Variants in RBFOX1 observed in about 807,000 individuals in gnomAD.
RBFOX1 encodes RNA binding protein fox-1 homolog 1.
Under a neutral mutation model 57.7 loss-of-function variants are expected in RBFOX1, and 8 were observed. That is an observed-to-expected ratio of 0.14 (90% CI 0.08 to 0.25). The LOEUF (loss-of-function observed/expected upper bound fraction) is 0.25, where lower values mean the gene tolerates loss of function less well. Ranked by LOEUF, RBFOX1 falls within the 10% of genes least tolerant of loss-of-function variation. The probability of loss-of-function intolerance (pLI) is 1.00; values close to 1 mark genes in which losing one functional copy is unlikely to be tolerated. For synonymous variants in RBFOX1, 326 were observed against 222.4 expected (o/e 1.47, Z -4.15); for missense variants, 611 against 548.5 (o/e 1.11, Z -1.14).
intron 3 of RBFOX1, among the ~76,000 whole-genome samples, chr16:6,716,279 C>T (rs929192529): frequency 1.1e-4 from 16 of 152,158 alleles, no homozygotes; most frequent in Non-Finnish European, 1.9e-4. Context: ...ACAAAGCCAT[C>T]GTTGCTTTTC....
intron 4 of RBFOX1, among the ~76,000 whole-genome samples, chr16:7,190,268 A>G (rs2085045086): frequency 6.6e-6 from 1 of 152,198 alleles, no homozygotes; most frequent in South Asian, 2.1e-4. Flanking sequence ...CTGAGGCAGG[A>G]GAATCACTTG....
chr16:6,058,629 CCCACCCAT>C (rs1381245458), intron 1 of RBFOX1, among the ~76,000 whole-genome samples: 1 of 149,126 alleles, frequency 6.7e-6, no homozygotes, highest in Non-Finnish European at 1.5e-5. Context: ...CATCCATCTA[CCCACCCAT>C]CCACCCATCC....
chr16:6,536,322 C>G (rs2096734975), intron 2 of RBFOX1, among the ~76,000 whole-genome samples: 1 of 152,196 alleles, frequency 6.6e-6, no homozygotes, highest in Admixed American at 6.5e-5. Flanking sequence ...AAATAGATAT[C>G]ACTTTGCAAT....
intron 4 of RBFOX1, among the ~76,000 whole-genome samples, chr16:5,908,095 T>TATATATATATATATATATATAC (rs1567133450): frequency 2.1e-5 from 3 of 139,872 alleles, no homozygotes; most frequent in Admixed American, 7.0e-5. Flanking sequence ...TACACATATA[T>TATATATATATATATATATATAC]ACACATATAT....
At chr16:5,370,877 C>T (rs1567403473) in intron 1 of RBFOX1, among the ~76,000 whole-genome samples, 1 of 152,180 alleles carries the variant, frequency 6.6e-6, no homozygotes, top group Non-Finnish European at 1.5e-5. Flanking sequence ...AGGATCAAGA[C>T]TATGTTTCCC....
intron 1 of RBFOX1, among the ~76,000 whole-genome samples, chr16:5,440,386 A>T (rs1237656312): frequency 6.6e-6 from 1 of 152,240 alleles, no homozygotes; most frequent in South Asian, 2.1e-4. Flanking sequence ...AAGTTTAGAG[A>T]ACAGGGATAA....
At chr16:5,284,390 T>C (rs4786659) in intron 1 of RBFOX1, among the ~76,000 whole-genome samples, 129,885 of 152,114 alleles carry the variant, frequency 0.85, 55,529 homozygotes, top group East Asian at 0.99. Context: ...GTCTGCTCTA[T>C]CAGAGAGTTT....
intron 1 of RBFOX1, among the ~76,000 whole-genome samples, chr16:5,455,509 G>C (rs1035365223): frequency 6.6e-6 from 1 of 152,114 alleles, no homozygotes. Flanking sequence ...ACCCCAAGGA[G>C]GCCTTGGAGA....
chr16:6,954,347 T>G (rs924662802), intron 3 of RBFOX1, among the ~76,000 whole-genome samples: 1 of 152,150 alleles, frequency 6.6e-6, no homozygotes, highest in African/African-American at 2.4e-5. Context: ...GATTTATAGT[T>G]ACAATAACGG....
intron 1 of RBFOX1, among the ~76,000 whole-genome samples, chr16:5,301,287 A>G (rs2063795942): frequency 6.6e-6 from 1 of 152,142 alleles, no homozygotes; most frequent in Non-Finnish European, 1.5e-5. Context: ...CCCTCAGTCC[A>G]ATAGCCTGCA....
intron 2 of RBFOX1, among the ~76,000 whole-genome samples, chr16:5,530,644 C>T (rs1203083684): frequency 1.3e-5 from 2 of 152,180 alleles, no homozygotes; most frequent in Admixed American, 6.5e-5. Context: ...CAACCTTGGC[C>T]TCTACCCATG....
chr16:6,801,727 G>A (rs1175342405), intron 3 of RBFOX1, among the ~76,000 whole-genome samples: 1 of 152,114 alleles, frequency 6.6e-6, no homozygotes, highest in East Asian at 1.9e-4. Flanking sequence ...GGGAGGAAGA[G>A]AGTTTTTATT....
At chr16:7,033,549 G>A (rs561169089) in intron 3 of RBFOX1, among the ~76,000 whole-genome samples, 6 of 152,120 alleles carry the variant, frequency 3.9e-5, no homozygotes, top group Admixed American at 6.6e-5. Context: ...GAATGTGAAC[G>A]TCCTTTAAGA....
chr16:5,306,905 A>C (rs1302382782), intron 1 of RBFOX1, among the ~76,000 whole-genome samples: 1 of 152,202 alleles, frequency 6.6e-6, no homozygotes, highest in African/African-American at 2.4e-5. Context: ...GTCTAAGTCA[A>C]GGAGAATCAT....
At chr16:5,519,281 T>C (rs566394080) in intron 2 of RBFOX1, among the ~76,000 whole-genome samples, 4 of 152,244 alleles carry the variant, frequency 2.6e-5, no homozygotes, top group East Asian at 1.9e-4. Flanking sequence ...TGGGCTCCCA[T>C]GCTAGCATGG....
At chr16:5,781,852 G>A (rs1179835738) in intron 3 of RBFOX1, among the ~76,000 whole-genome samples, 1 of 152,202 alleles carries the variant, frequency 6.6e-6, no homozygotes, top group Non-Finnish European at 1.5e-5. Context: ...TCCTCATGAA[G>A]AGATTGTCTT....
chr16:5,656,803 T>C (rs912684437), intron 3 of RBFOX1, among the ~76,000 whole-genome samples: 1 of 152,180 alleles, frequency 6.6e-6, no homozygotes, highest in African/African-American at 2.4e-5. Context: ...CTATCATTGA[T>C]GGGCGTTTGG....
At chr16:7,318,587 G>T (rs905465865) in intron 4 of RBFOX1, among the ~76,000 whole-genome samples, 3 of 152,154 alleles carry the variant, frequency 2.0e-5, no homozygotes, top group Non-Finnish European at 4.4e-5. Context: ...ATTATTTAAT[G>T]TTTGTTAAAA....
chr16:6,963,374 G>A (rs1191543483), intron 3 of RBFOX1, among the ~76,000 whole-genome samples: 4 of 151,830 alleles, frequency 2.6e-5, no homozygotes, highest in African/African-American at 9.7e-5. Flanking sequence ...TCTATTTTTA[G>A]AATTAAAACA....
Sources: gnomAD v4.1 joint callset for allele counts (sites outside exome capture counted in the v4.1 genomes callset) on GRCh38, gnomAD v4.1.1 for gene constraint, MANE v1.5 for transcripts, NCBI Gene and HGNC (gene_info 2026-07-23, HGNC 2026-07-21) for gene names.